The following ASTN2 variants were observed in gnomAD, a reference collection of about 807,000 sequenced individuals.
ASTN2 encodes astrotactin 2, also known as astrotactin-2.
Under a neutral mutation model 139.8 loss-of-function variants are expected in ASTN2, and 54 were observed. That is an observed-to-expected ratio of 0.39 (90% CI 0.31 to 0.48). The LOEUF (loss-of-function observed/expected upper bound fraction) is 0.48, where lower values mean the gene tolerates loss of function less well. Among genes scored for constraint, ASTN2 ranks in the 20% least tolerant of loss-of-function variants. The pLI is 0.95. For missense variants in ASTN2, 1,565 were observed against 1,725.1 expected (o/e 0.91, Z 1.64); for synonymous variants, 756 against 719.5 (o/e 1.05, Z -0.81).
chr9:117,414,656 CGGT>C lies in ASTN2; in HGVS notation c.280_282del (p.Thr94del). The C allele has an allele frequency of 7.5e-7, 1 of 1,330,894 alleles. No individual in the cohort carries two copies. The highest frequency in any genetic ancestry group is 9.6e-7 in the Non-Finnish European group (1 of 1,047,006). The allele number at this position is 1,330,894 out of a possible 1,614,324, so 82.4% of individuals were successfully genotyped here. A position where few individuals can be genotyped will look rare whatever the true frequency, so the allele number is the denominator to read the frequency against. On this transcript the variant is annotated inframe_deletion, in exon 1 of 23. Transcript: ENST00000313400. This position sits in a 1 kb window ranked among gnomAD's most constrained non-coding sequence, Gnocchi z 4.2. ...GCGGCGGCGGCGGCGGCTCCGGCCC[CGGT>C]CCCAGCCCCGGCCCCGGCGCGGGCG...
intron 13 of ASTN2, among the ~76,000 whole-genome samples, chr9:116,745,614 C>G (rs1322460672): frequency 6.6e-6 from 1 of 152,158 alleles, no homozygotes; most frequent in African/African-American, 2.4e-5. Flanking sequence ...CCTCAGAGCC[C>G]TCCTCCCCAC....
intron 17 of ASTN2, among the ~76,000 whole-genome samples, chr9:116,642,147 A>AAAAC: frequency 7.2e-6 from 1 of 137,952 alleles, no homozygotes; most frequent in South Asian, 2.2e-4. Flanking sequence ...AAAAAAAAAC[A>AAAAC]AAAAAAAACA....
intron 10 of ASTN2, among the ~76,000 whole-genome samples, chr9:116,886,009 G>A (rs1317122596): frequency 6.6e-6 from 1 of 152,202 alleles, no homozygotes; most frequent in Non-Finnish European, 1.5e-5. Flanking sequence ...TGGGCTTTCT[G>A]TGCTACTATT....
At chr9:116,728,474 G>A (rs1828691948) in intron 15 of ASTN2, among the ~76,000 whole-genome samples, 1 of 152,156 alleles carries the variant, frequency 6.6e-6, no homozygotes, top group Non-Finnish European at 1.5e-5. Context: ...ATAAATTGTT[G>A]CCATCTGTTG....
intron 3 of ASTN2, among the ~76,000 whole-genome samples, chr9:117,166,487 T>C (rs1830672819): frequency 6.6e-6 from 1 of 152,156 alleles, no homozygotes; most frequent in Admixed American, 6.5e-5. Flanking sequence ...AGGAAGGCCC[T>C]TTACAGCCTG....
intron 13 of ASTN2, among the ~76,000 whole-genome samples, chr9:116,793,446 C>T (rs1033230224): frequency 2.4e-4 from 37 of 152,198 alleles, no homozygotes; most frequent in African/African-American, 7.5e-4. Context: ...ATGCCTGAAA[C>T]GTAGGAGGAA....
intron 2 of ASTN2, among the ~76,000 whole-genome samples, chr9:117,278,159 G>A (rs531870739): frequency 2.0e-5 from 3 of 152,296 alleles, no homozygotes; most frequent in East Asian, 1.9e-4. Context: ...CGTCACAGGC[G>A]GAATCATTGA....
chr9:116,495,581 T>C (rs1849643858), intron 19 of ASTN2, among the ~76,000 whole-genome samples: 1 of 152,214 alleles, frequency 6.6e-6, no homozygotes, highest in Non-Finnish European at 1.5e-5. Context: ...TTTGCAACTT[T>C]CCATTTGTTT....
chr9:116,646,464 C>A (rs1260270221), intron 17 of ASTN2, among the ~76,000 whole-genome samples: 3 of 152,060 alleles, frequency 2.0e-5, no homozygotes, highest in Non-Finnish European at 4.4e-5. Context: ...GAGTTAGTGG[C>A]AGAGTTGGAG....
chr9:116,950,293 G>T (rs574445837), intron 10 of ASTN2, among the ~76,000 whole-genome samples: 1 of 152,298 alleles, frequency 6.6e-6, no homozygotes, highest in East Asian at 1.9e-4. Context: ...TGGGGTGGAG[G>T]TGGGAAAAAT....
chr9:117,291,950 C>T (rs1834605425), intron 1 of ASTN2, among the ~76,000 whole-genome samples: 1 of 152,122 alleles, frequency 6.6e-6, no homozygotes, highest in African/African-American at 2.4e-5. Context: ...CATGGCCAAA[C>T]CTCGGAGCCA....
chr9:116,861,167 T>C (rs1452467570), intron 11 of ASTN2, among the ~76,000 whole-genome samples: 1 of 151,722 alleles, frequency 6.6e-6, no homozygotes. Flanking sequence ...TCTCTTTTAA[T>C]TTTTCCAGTT....
intron 16 of ASTN2, among the ~76,000 whole-genome samples, chr9:116,681,828 A>G (rs1381641899): frequency 3.3e-5 from 5 of 151,838 alleles, no homozygotes; most frequent in Admixed American, 2.6e-4. Context: ...CCATATGTAG[A>G]AAGCTGAAAC....
rs369224604 is a variant in ASTN2, at chr9:116,968,979, A to G, written c.1889+6229T>C. 7.2e-5 allele frequency among the ~76,000 whole-genome samples: 11 copies of G among 152,166 alleles called. No individual in the cohort carries two copies. The East Asian group carries it at 1.7e-3, about 24-fold the overall frequency. The stretch of plus-strand genomic sequence containing the variant: ...GTCCTGTGCCTTGCCCATGAATAAA[A>G]CATCTCTGGGTTTTTCTTATCCAAC... On this transcript the variant is annotated intron_variant, in intron 10 of 22. Coordinates refer to ENST00000313400, the MANE Select transcript of ASTN2 (RefSeq NM_001365068.1).
At chr9:116,879,740 C>T (rs941989870) in intron 10 of ASTN2, among the ~76,000 whole-genome samples, 3 of 152,276 alleles carry the variant, frequency 2.0e-5, no homozygotes, top group South Asian at 2.1e-4. Context: ...GAGCCCATAA[C>T]GAAGATCAAT....
chr9:117,219,484 C>A (rs557661525), intron 2 of ASTN2, among the ~76,000 whole-genome samples: 1 of 152,162 alleles, frequency 6.6e-6, no homozygotes, highest in African/African-American at 2.4e-5. Flanking sequence ...CCAAGGGTGA[C>A]AAGCTGAGAC....
intron 10 of ASTN2, among the ~76,000 whole-genome samples, chr9:116,968,188 A>C (rs952169037): frequency 3.9e-5 from 6 of 151,934 alleles, no homozygotes; most frequent in Non-Finnish European, 8.8e-5. Flanking sequence ...TTAATTCTAC[A>C]CTCTTTCCTA....
intron 13 of ASTN2, among the ~76,000 whole-genome samples, chr9:116,764,524 C>G (rs1393465406): frequency 6.6e-6 from 1 of 152,188 alleles, no homozygotes; most frequent in African/African-American, 2.4e-5. Context: ...AACTCAGATT[C>G]TGTTTTCTTA....
rs191528924 is a variant in ASTN2, at chr9:116,522,749, G to A, written c.3356-35249C>T. 3.3e-4 allele frequency among the ~76,000 whole-genome samples: 50 copies of A among 152,280 alleles called. No individual in the cohort carries two copies. The East Asian group carries it at 9.3e-3, about 28-fold the overall frequency. Reference sequence around the variant, plus strand: ...GTCAGCAGAGGATAAGTAGAAGGGAGTGGATTACTTCCATTGTACAGATTT... The same window carrying A: ...GTCAGCAGAGGATAAGTAGAAGGGAATGGATTACTTCCATTGTACAGATTT... On this transcript the variant is annotated intron_variant, in intron 19 of 22. Coordinates refer to ENST00000313400, the MANE Select transcript of ASTN2 (RefSeq NM_001365068.1).
Sources: gnomAD v4.1 joint callset for allele counts (sites outside exome capture counted in the v4.1 genomes callset) on GRCh38, gnomAD v4.1.1 for gene constraint, Gnocchi (gnomAD v3.1) non-coding constraint, MANE v1.5 for transcripts, NCBI Gene and HGNC (gene_info 2026-07-23, HGNC 2026-07-21) for gene names.